The following TRPV3 variants were observed in gnomAD, a reference collection of about 807,000 sequenced individuals.
The protein encoded by TRPV3 is VRL-3.
A neutral mutation model predicts 87.1 loss-of-function variants in TRPV3; 88 were observed. The observed-to-expected ratio is 1.01, with a 90% confidence interval of 0.85 to 1.21. The LOEUF (loss-of-function observed/expected upper bound fraction) is 1.21. Ranked by LOEUF, TRPV3 falls within the 50% of genes most tolerant of loss-of-function variation. The pLI is 0.00. For synonymous variants in TRPV3, 438 were observed against 423.3 expected, an observed-to-expected ratio of 1.03 and a Z score of -0.43; for missense variants, 1,054 against 1,030.1, an observed-to-expected ratio of 1.02 and a Z score of -0.32.
At chr17:3,531,063 A>AC (rs2074345262) in intron 8 of TRPV3, among the ~76,000 whole-genome samples, 1 of 146,388 alleles carries the variant, frequency 6.8e-6, no homozygotes, top group Admixed American at 6.6e-5. Context: ...TCTCAAAAAA[A>AC]ACAAAACAAA....
rs1184714943 is a variant in TRPV3, at chr17:3,543,413, G to C, written c.466+61C>G. On this transcript the variant is annotated intron_variant, in intron 5 of 17. Transcript: ENST00000576742. ...TGGGTTGGTGAGGGGAGGGGAAAAT[G>C]GGCACCAGAAGCCAAGCAGGGCCCC... The C allele has an allele frequency of 1.9e-6, 3 of 1,590,552 alleles. No individual in the cohort carries two copies. In the Admixed American group the frequency reaches 5.2e-5, roughly 27 times the overall value.
Position 3,554,732 on chromosome 17 carries a change from C to T in TRPV3, c.119G>A (p.Ser40Asn). Residue 40 changes from serine (S) to asparagine (N), a missense_variant and splice_region_variant, in exon 2 of 18, where the codon AGT becomes AAT. Coordinates refer to ENST00000576742, the MANE Select transcript of TRPV3 (RefSeq NM_145068.4). ...RPAEITPTKK[S>N]AHFFLEIEGF... ...CGTGTCCCGAGCTCTCCAAACCCAC[C>T]TCTTCTTTGTGGGGGTGATCTCCGC... is the stretch of plus-strand genomic sequence containing the variant. 6.2e-7 allele frequency: 1 copy of T among 1,604,652 alleles called. No individual in the cohort carries two copies. The highest frequency in any genetic ancestry group is 8.5e-7 in the Non-Finnish European group (1 of 1,173,144).
At position 3,515,389 on chromosome 17, in the gene TRPV3, C is replaced by G. The variant is rs144900511; in HGVS notation, c.2199-717G>C. ...AAAAGGTGTTCATGGGGCCGGGCAC[C>G]GTGGCTCACGCCTGTAATCCCAGCA... On this transcript the variant is annotated intron_variant, in intron 16 of 17. Transcript: ENST00000576742. 4.0e-3 allele frequency among the ~76,000 whole-genome samples: 610 copies of G among 152,054 alleles called. 4 individuals carry two copies. Among genetic ancestry groups the G allele is most frequent in the African/African-American group, 0.012 (499 of 41,462 alleles).
Position 3,545,233 on chromosome 17 carries a change from T to C in TRPV3, c.158A>G (p.Asn53Ser), listed in dbSNP as rs2150802998. The change falls in exon 3 of 18, where the codon AAC (asparagine) becomes AGC (serine). Residue 53 changes from asparagine to serine, a missense_variant. Transcript: ENST00000576742. ...FFLEIEGFEPNPTVAKTSPPV... is the reference protein window; with the variant it reads ...FFLEIEGFEPSPTVAKTSPPV... ...AGGAGAGGTCTTGGCAACTGTGGGG[T>C]TGGGTTCAAACCCTTCTATCTCCAG... 1 of 1,613,348 alleles carries C rather than the reference T, an allele frequency of 6.2e-7. No homozygotes were observed. Among genetic ancestry groups the C allele is most frequent in the Middle Eastern group, 1.7e-4 (1 of 6,060 alleles).
chr17:3,528,894 A>G lies in TRPV3; in HGVS notation c.1344T>C (p.Tyr448=), dbSNP rs765974404. The G allele has an allele frequency of 6.2e-7, 1 of 1,614,236 alleles. No homozygotes were observed. Among genetic ancestry groups the G allele is most frequent in the South Asian group, 1.1e-5 (1 of 91,086 alleles). ...KHMFFLSFCF[Y]FFYNITLTLV... is the part of the protein sequence containing the mutation. ...GGGTCAGGGTGATGTTGTAGAAGAAATAAAAGCAGAAGGACAGAAAGAACA... is the reference window on the plus strand; with the variant it reads ...GGGTCAGGGTGATGTTGTAGAAGAAGTAAAAGCAGAAGGACAGAAAGAACA... Residue 448 remains tyrosine (Y), a synonymous_variant, in exon 10 of 18, where the codon TAT becomes TAC. Coordinates refer to ENST00000576742, the MANE Select transcript of TRPV3 (RefSeq NM_145068.4). The surrounding 1 kb of genome is among the most constrained non-coding windows in gnomAD (Gnocchi z 4.2).
At chr17:3,536,358 G>A (rs1286202347) in intron 6 of TRPV3, among the ~76,000 whole-genome samples, 1 of 152,208 alleles carries the variant, frequency 6.6e-6, no homozygotes, top group Non-Finnish European at 1.5e-5. Flanking sequence ...GGAGGCCAAA[G>A]CAGGTGGATC....
chr17:3,526,903 G>T lies in TRPV3; in HGVS notation c.1528C>A (p.Pro510Thr), dbSNP rs763691919. 2 of 1,612,120 alleles carry T rather than the reference G, an allele frequency of 1.2e-6. No homozygotes were observed. The highest frequency in any genetic ancestry group is 1.7e-6 in the Non-Finnish European group (2 of 1,179,288). ...KEGIAIFLLR[P>T]SDLQSILSDA... ...GAGAGGATGGACTGCAGATCCGAGGGTCTCAGCAGGAAGATGGCAATGCCC... is the reference window on the plus strand; with the variant it reads ...GAGAGGATGGACTGCAGATCCGAGGTTCTCAGCAGGAAGATGGCAATGCCC... Residue 510 changes from proline to threonine, a missense_variant, in exon 12 of 18, where the codon CCC becomes ACC. Physicochemically the swap from Pro to Thr is conservative, Grantham distance 38. Coordinates refer to ENST00000576742, the MANE Select transcript of TRPV3 (RefSeq NM_145068.4).
intron 6 of TRPV3, among the ~76,000 whole-genome samples, chr17:3,541,585 C>T (rs1433580940): frequency 2.0e-5 from 3 of 152,324 alleles, no homozygotes; most frequent in East Asian, 1.9e-4. Flanking sequence ...GCTCTCCCAG[C>T]ATCCTCTCTG....
Position 3,543,583 on chromosome 17 carries a change from C to T in TRPV3, c.357G>A (p.Leu119=). ...ACACGGCTGCAAAGATGCGCTTCTT[C>T]AGCCGCCTCTTTTTCCTCCTCTGCT... ...KEEQRRKKRR[L]KKRIFAAVSE... The change falls in exon 5 of 18, where the codon CTG becomes CTA. Residue 119 remains leucine (L), a synonymous_variant. Transcript: ENST00000576742. The T allele has an allele frequency of 1.2e-6, 2 of 1,614,176 alleles. No individual in the cohort carries two copies. The highest frequency in any genetic ancestry group is 8.5e-7 in the Non-Finnish European group (1 of 1,180,038).
chr17:3,527,993 G>A (rs1465618793), intron 11 of TRPV3, 32 bp downstream of exon 11: 2 of 1,560,020 alleles, frequency 1.3e-6, no homozygotes, highest in African/African-American at 2.7e-5. Context: ...TGCCTCGCGG[G>A]GCGGTCTGGA....
intron 6 of TRPV3, among the ~76,000 whole-genome samples, chr17:3,538,055 G>A (rs1263485217): frequency 2.6e-5 from 4 of 151,570 alleles, no homozygotes; most frequent in South Asian, 2.1e-4. Flanking sequence ...AAAATTAGGC[G>A]GGCGTGATGG....
chr17:3,518,621 A>G lies in TRPV3; in HGVS notation c.2040T>C (p.Thr680=). Residue 680 remains threonine (T), a synonymous_variant, in exon 15 of 18, where the codon ACT becomes ACC. Transcript: ENST00000576742. This position sits in a 1 kb window ranked among gnomAD's most constrained non-coding sequence, Gnocchi z 4.3. Reference sequence around the variant, plus strand: ...CGCTCTCCTTGGAGACGTTCTCCACAGTCTCGCCCATCAGAGCAATGAGCA... The same window carrying G: ...CGCTCTCCTTGGAGACGTTCTCCACGGTCTCGCCCATCAGAGCAATGAGCA... The part of the protein sequence containing the change: ...LNMLIALMGE[T]VENVSKESER... The G allele has an allele frequency of 6.3e-7, 1 of 1,576,728 alleles. No homozygotes were observed. Among genetic ancestry groups the G allele is most frequent in the African/African-American group, 1.3e-5 (1 of 74,710 alleles).
Position 3,511,351 on chromosome 17 carries a change from A to T in TRPV3, c.*2566T>A, listed in dbSNP as rs980859262. ...TGATGGAATAACTGTGCTTTTTAAAAATAAATAAATAATGGCTCAGGGAGA... is the reference window on the plus strand; with the variant it reads ...TGATGGAATAACTGTGCTTTTTAAATATAAATAAATAATGGCTCAGGGAGA... On this transcript the variant is annotated 3_prime_UTR_variant, in exon 18 of 18. Transcript: ENST00000576742. The T allele has an allele frequency of 6.6e-6, 1 of 152,228 alleles. No individual in the cohort carries two copies. Among genetic ancestry groups the T allele is most frequent in the African/African-American group, 2.4e-5 (1 of 41,458 alleles). The allele number at this position is 152,228 out of a possible 1,614,324, so 9.4% of individuals were successfully genotyped here. A position where few individuals can be genotyped will look rare whatever the true frequency, so the allele number is the denominator to read the frequency against.
chr17:3,533,059 C>G, intron 7 of TRPV3, 122 bp from the exon 8 acceptor site: 1 of 1,143,646 alleles, frequency 8.7e-7, no homozygotes. Context: ...CCCTAGCCCT[C>G]TCCCCATCTT....
chr17:3,514,100 T>G, intron 17 of TRPV3, 89 bp from the exon 18 acceptor site: 1 of 1,189,230 alleles, frequency 8.4e-7, no homozygotes, highest in Non-Finnish European at 1.2e-6. Flanking sequence ...TTTTTTGAGA[T>G]GGAGTTTCCC....
chr17:3,518,816 G>T lies in TRPV3; in HGVS notation c.1845C>A (p.Asp615Glu). The T allele has an allele frequency of 6.2e-7, 1 of 1,614,168 alleles. No individual in the cohort carries two copies. Among genetic ancestry groups the T allele is most frequent in the Non-Finnish European group, 8.5e-7 (1 of 1,180,004 alleles). Residue 615 changes from aspartate (D) to glutamate (E), a missense_variant, in exon 15 of 18, where the codon GAC becomes GAA. By Grantham distance (45) the Asp-to-Glu change is conservative. Coordinates refer to ENST00000576742, the MANE Select transcript of TRPV3 (RefSeq NM_145068.4). The surrounding 1 kb of genome is among the most constrained non-coding windows in gnomAD (Gnocchi z 4.3). ...TGCCGTAGGAGCTGCAGTCCTTGTT[G>T]TCTTTGGGACACTTCTCGATCAGCG... ...LASLIEKCPKDNKDCSSYGSF... is the reference protein window; with the variant it reads ...LASLIEKCPKENKDCSSYGSF...
rs751486005 is a variant in TRPV3 at position 3,542,657 on chromosome 17, T to A, written c.508A>T (p.Thr170Ser). 1 of 1,614,040 alleles carries A rather than the reference T, an allele frequency of 6.2e-7. No homozygotes were observed. Among genetic ancestry groups the A allele is most frequent in the South Asian group, 1.1e-5 (1 of 91,068 alleles). The change falls in exon 6 of 18, where the codon ACC becomes TCC. Residue 170 changes from threonine (T) to serine (S), a missense_variant. By Grantham distance (58) the Thr-to-Ser change is moderately conservative. Coordinates refer to ENST00000576742, the MANE Select transcript of TRPV3 (RefSeq NM_145068.4). ...HKLTASDTGK[T>S]CLMKALLNIN... Reference sequence around the variant, plus strand: ...TTTAACAAGGCCTTCATCAGGCAGGTCTTCCCCGTGTCGGAGGCCGTCAGC... The same window carrying A: ...TTTAACAAGGCCTTCATCAGGCAGGACTTCCCCGTGTCGGAGGCCGTCAGC...
chr17:3,532,459 G>A (rs753959586), intron 8 of TRPV3, among the ~76,000 whole-genome samples, 198 bp downstream of exon 8: 1 of 152,256 alleles, frequency 6.6e-6, no homozygotes, highest in Non-Finnish European at 1.5e-5. Context: ...GGGCTGCATC[G>A]CACCAGCTCC....
chr17:3,536,006 AACGAGGTGCT>A (rs1252930462), intron 6 of TRPV3, among the ~76,000 whole-genome samples: 19 of 152,324 alleles, frequency 1.2e-4, no homozygotes, highest in Non-Finnish European at 5.9e-5. Context: ...TGTCACTGAG[AACGAGGTGCT>A]ACGATTCAGA....
Sources: gnomAD v4.1 joint callset for allele counts (sites outside exome capture counted in the v4.1 genomes callset) on GRCh38, gnomAD v4.1.1 for gene constraint, Gnocchi (gnomAD v3.1) non-coding constraint, MANE v1.5 for transcripts, NCBI Gene and HGNC (gene_info 2026-07-23, HGNC 2026-07-21) for gene names.